Variants in SATB2 observed in about 807,000 individuals in gnomAD.
SATB2 encodes DNA-binding protein SATB2.
Under a neutral mutation model 73.4 loss-of-function variants are expected in SATB2, and 1 was observed. The ratio of observed to expected loss-of-function variants is 0.01; its 90% confidence interval spans 0.00 to 0.06. The LOEUF is 0.06. Ranked by LOEUF, SATB2 falls within the 10% of genes least tolerant of loss-of-function variation. The pLI, the probability that SATB2 is intolerant of heterozygous loss-of-function variation, is 1.00. For missense variants in SATB2, 459 were observed against 945.8 expected (o/e 0.49, Z 6.75); for synonymous variants, 397 against 367.0 (o/e 1.08, Z -0.93).
At chr2:199,307,962 G>A (rs563059138) in intron 10 of SATB2, among the ~76,000 whole-genome samples, 18 of 152,122 alleles carry the variant, frequency 1.2e-4, no homozygotes, top group Non-Finnish European at 2.2e-4. Flanking sequence ...GTCCTCTTTG[G>A]TGGCAGCTGA....
Position 199,285,739 on chromosome 2 carries a change from G to A in SATB2, c.1741-13067C>T, listed in dbSNP as rs574793756. On this transcript the variant is annotated intron_variant, in intron 10 of 10. Coordinates refer to ENST00000417098, the MANE Select transcript of SATB2 (RefSeq NM_001172509.2). ...AGAGGGATTTAAAAAAAAAAAGAGA[G>A]AGAGAGAGAAAGAGAATAAGAAAAA... 4.0e-5 allele frequency among the ~76,000 whole-genome samples: 6 copies of A among 151,510 alleles called. No homozygotes were observed. The South Asian group carries it at 1.3e-3, about 32-fold the overall frequency.
chr2:199,462,333 C>T (rs1218051448), upstream of SATB2, among the ~76,000 whole-genome samples: 2 of 152,160 alleles, frequency 1.3e-5, no homozygotes, highest in Non-Finnish European at 2.9e-5. This position sits in a 1 kb window ranked among gnomAD's most constrained non-coding sequence, Gnocchi z 5.9. Context: ...ATTTCCGCCG[C>T]GGACTGTCCG....
chr2:199,298,275 A>G (rs1559148739), intron 10 of SATB2, among the ~76,000 whole-genome samples: 1 of 152,190 alleles, frequency 6.6e-6, no homozygotes, highest in Non-Finnish European at 1.5e-5. Context: ...AGCAGCCTCT[A>G]CAACGTCAGA....
In SATB2 at chr2:199,272,218, T is replaced by C; in HGVS notation, c.2195A>G (p.Gln732Arg). 1.2e-6 allele frequency: 2 copies of C among 1,614,054 alleles called. No individual in the cohort carries two copies. The highest frequency in any genetic ancestry group is 1.7e-6 in the Non-Finnish European group (2 of 1,179,948). The stretch of plus-strand genomic sequence containing the variant: ...GCCTAGTAGAAGTTCACATTATCTC[T>C]GGTCAATTTCGGCAGGTGCTGCCTT... ...KSKAAPAEID[Q>R]R Residue 732 changes from glutamine to arginine, a missense_variant, in exon 11 of 11, where the codon CAG becomes CGG. This residue lies in a region of SATB2 where 41 missense variants were observed against 38.6 expected (regional missense o/e 1.06). Coordinates refer to ENST00000417098, the MANE Select transcript of SATB2 (RefSeq NM_001172509.2). This position sits in a 1 kb window ranked among gnomAD's most constrained non-coding sequence, Gnocchi z 6.7.
intron 7 of SATB2, among the ~76,000 whole-genome samples, chr2:199,331,101 G>A (rs901272352): frequency 1.3e-5 from 2 of 151,952 alleles, no homozygotes; most frequent in African/African-American, 2.4e-5. Context: ...TTTTGGATAC[G>A]AAATAGTGAC....
chr2:199,464,765 G>C lies in SATB2; in HGVS notation c.-141+71C>G, dbSNP rs916577438. ...GTTCCTTTCCAAAGTGTGATGCCCG[G>C]TGTCCTACCCTAGGCCACGCGGAGC... On this transcript the variant is annotated intron_variant, in intron 1 of 11. Coordinates refer to the SATB2 transcript ENST00000260926. This position sits in a 1 kb window ranked among gnomAD's most constrained non-coding sequence, Gnocchi z 6.6. 1 of 152,262 alleles carries C rather than the reference G, an allele frequency of 6.6e-6. No individual in the cohort carries two copies. The highest frequency in any genetic ancestry group is 1.5e-5 in the Non-Finnish European group (1 of 68,108). 9.4% of individuals were successfully genotyped at this position (152,262 alleles called of 1,614,324 possible).
At chr2:199,369,435 T>A (rs1321786036) in intron 5 of SATB2, among the ~76,000 whole-genome samples, 1 of 152,178 alleles carries the variant, frequency 6.6e-6, no homozygotes, top group Non-Finnish European at 1.5e-5. Context: ...ACTGAAAAGT[T>A]AAAATTATAA....
chr2:199,403,398 A>G (rs1690540048), intron 3 of SATB2, among the ~76,000 whole-genome samples: 2 of 152,158 alleles, frequency 1.3e-5, no homozygotes, highest in Non-Finnish European at 2.9e-5. Flanking sequence ...TAGATAGCCA[A>G]TTGCCTATAA....
intron 10 of SATB2, among the ~76,000 whole-genome samples, chr2:199,285,885 T>TG (rs1376336406): frequency 6.6e-6 from 1 of 150,852 alleles, no homozygotes; most frequent in Non-Finnish European, 1.5e-5. Flanking sequence ...CTGTTTTTTT[T>TG]TTTTTTTTTT....
In SATB2 at chr2:199,464,600, A is replaced by T. The variant is rs1254820813; in HGVS notation, c.-141+236T>A. 2.0e-5 allele frequency among the ~76,000 whole-genome samples: 3 copies of T among 152,076 alleles called. No homozygotes were observed. The highest frequency in any genetic ancestry group is 7.2e-5 in the African/African-American group (3 of 41,426). Reference sequence around the variant, plus strand: ...GCCCCGCGCCCGACTCACGGCGCGAACACCAGCGCTCCGGCCGGGTCGCAG... The same window carrying T: ...GCCCCGCGCCCGACTCACGGCGCGATCACCAGCGCTCCGGCCGGGTCGCAG... On this transcript the variant is annotated intron_variant, in intron 1 of 11. Coordinates refer to the SATB2 transcript ENST00000260926. The surrounding 1 kb of genome is among the most constrained non-coding windows in gnomAD (Gnocchi z 6.6).
chr2:199,363,856 A>G (rs1369168984), intron 6 of SATB2, among the ~76,000 whole-genome samples: 1 of 152,216 alleles, frequency 6.6e-6, no homozygotes, highest in Non-Finnish European at 1.5e-5. Context: ...GGCAGAGGGC[A>G]GACAAACTTA....
At chr2:199,336,321 C>A (rs1359858724) in intron 7 of SATB2, among the ~76,000 whole-genome samples, 1 of 152,124 alleles carries the variant, frequency 6.6e-6, no homozygotes, top group East Asian at 1.9e-4. Flanking sequence ...ACCTCAAGTA[C>A]CTGGCACTAT....
intron 3 of SATB2, chr2:199,397,744 C>A (rs1049147823): frequency 1.9e-5 from 8 of 418,804 alleles, no homozygotes; most frequent in Non-Finnish European, 3.8e-5. Context: ...CGGAAATAAG[C>A]CAGGCATGGT....
intron 2 of SATB2, among the ~76,000 whole-genome samples, chr2:199,452,116 T>C (rs1472860258): frequency 1.3e-5 from 2 of 152,004 alleles, no homozygotes. Flanking sequence ...CACCAAAAAA[T>C]CATAAAAATT....
At chr2:199,393,781 A>G (rs1050942856) in intron 3 of SATB2, among the ~76,000 whole-genome samples, 1 of 152,178 alleles carries the variant, frequency 6.6e-6, no homozygotes, top group Admixed American at 6.5e-5. Context: ...GTTTCTCAGG[A>G]AGGGCTCATT....
At chr2:199,277,155 C>T (rs1000534418) in intron 10 of SATB2, among the ~76,000 whole-genome samples, 1 of 152,104 alleles carries the variant, frequency 6.6e-6, no homozygotes, top group African/African-American at 2.4e-5. Flanking sequence ...ATTGACAGAT[C>T]CCAGCATAAT....
intron 6 of SATB2, among the ~76,000 whole-genome samples, chr2:199,354,538 T>C (rs1489261533): frequency 2.6e-5 from 4 of 152,104 alleles, no homozygotes; most frequent in African/African-American, 9.7e-5. Flanking sequence ...AAACAGAACA[T>C]GGTTTAAGAA....
At chr2:199,427,368 A>G (rs1037349905) in intron 3 of SATB2, among the ~76,000 whole-genome samples, 9 of 152,170 alleles carry the variant, frequency 5.9e-5, no homozygotes, top group Admixed American at 5.9e-4. Flanking sequence ...ACCAAGTGCA[A>G]TTTATAGATT....
intron 6 of SATB2, among the ~76,000 whole-genome samples, chr2:199,364,425 A>G (rs1689227234): frequency 6.6e-6 from 1 of 152,196 alleles, no homozygotes; most frequent in African/African-American, 2.4e-5. Flanking sequence ...AGTAGAATAA[A>G]CCAGGCTTGG....
Sources: allele counts gnomAD v4.1 joint callset (sites outside exome capture counted in the v4.1 genomes callset), GRCh38; gene constraint gnomAD v4.1.1; regional missense constraint gnomAD v4.1.1; non-coding constraint Gnocchi (gnomAD v3.1); transcripts MANE v1.5; gene names NCBI Gene and HGNC (gene_info 2026-07-23, HGNC 2026-07-21).